DDX54: variants seen among roughly 807,000 people sequenced by gnomAD.
DDX54 encodes the protein ATP-dependent RNA helicase DDX54.
In DDX54, 67 loss-of-function variants were observed where a neutral mutation model predicts 105.5. The observed-to-expected ratio is 0.64, with a 90% CI of 0.52 to 0.78. The LOEUF is 0.78. DDX54 is among the 30% of genes least tolerant of loss of function. The pLI is 0.00. For synonymous variants in DDX54, 514 were observed against 509.9 expected (o/e 1.01, Z -0.11); for missense variants, 1,206 against 1,230.5 (o/e 0.98, Z 0.30).
intron 1 of DDX54, among the ~76,000 whole-genome samples, chr12:113,182,644 A>G (rs1198059624): frequency 6.7e-6 from 1 of 148,320 alleles, no homozygotes; most frequent in Admixed American, 6.8e-5. Flanking sequence ...TGCAGCCTCC[A>G]CCTCCTGGGT....
At chr12:113,176,812 G>C (rs1236928387) in intron 7 of DDX54, 28 bp downstream of exon 7, 7 of 1,611,674 alleles carry the variant, frequency 4.3e-6, no homozygotes, top group South Asian at 1.1e-5. Flanking sequence ...TCAGACACAA[G>C]TGCTCAGGGC....
intron 1 of DDX54, among the ~76,000 whole-genome samples, chr12:113,184,496 T>A (rs1165683892): frequency 1.3e-5 from 2 of 152,222 alleles, no homozygotes; most frequent in African/African-American, 4.8e-5. Flanking sequence ...ATAAGGCTCG[T>A]ACAGCTCTTA....
chr12:113,182,259 T>C (rs1952476509), intron 1 of DDX54, among the ~76,000 whole-genome samples: 1 of 152,210 alleles, frequency 6.6e-6, no homozygotes, highest in Non-Finnish European at 1.5e-5. Flanking sequence ...AGAGACTGTG[T>C]TCTTTTCACT....
rs902503309 is a variant in DDX54, at chr12:113,164,282, T to C, written c.1723A>G (p.Ile575Val). 1.5e-5 allele frequency: 24 copies of C among 1,586,592 alleles called. No homozygotes were observed. Among genetic ancestry groups the C allele is most frequent in the Admixed American group, 1.8e-5 (1 of 56,842 alleles). Residue 575 changes from isoleucine (I) to valine (V), a missense_variant, in exon 15 of 20, where the codon ATC becomes GTC. This residue lies in a region of DDX54 where 961 missense variants were observed against 1,019.1 expected (regional missense o/e 0.94). Coordinates refer to ENST00000306014, the MANE Select transcript of DDX54 (RefSeq NM_024072.4). ...CGGCTGGAGGCGTTGATCTCAAAGATAGTCTGTGGAGGGGACACCCAGTCC... is the reference window on the plus strand; with the variant it reads ...CGGCTGGAGGCGTTGATCTCAAAGACAGTCTGTGGAGGGGACACCCAGTCC... ...SIKNYRSRAT[I>V]FEINASSRDL...
chr12:113,171,553 G>A (rs911719187), intron 11 of DDX54, among the ~76,000 whole-genome samples: 1 of 148,894 alleles, frequency 6.7e-6, no homozygotes, highest in Non-Finnish European at 1.5e-5. Flanking sequence ...GCAGTGAGCC[G>A]AGATCACACC....
At chr12:113,181,705 C>T (rs1210303681) in intron 1 of DDX54, among the ~76,000 whole-genome samples, 1 of 152,020 alleles carries the variant, frequency 6.6e-6, no homozygotes, top group Non-Finnish European at 1.5e-5. Context: ...CCCCATCAGC[C>T]GCCAACCAAT....
chr12:113,176,768 C>T (rs1219114174), intron 7 of DDX54, 72 bp downstream of exon 7: 2 of 1,534,482 alleles, frequency 1.3e-6, no homozygotes, highest in African/African-American at 2.7e-5. Flanking sequence ...CAGAGCCTTC[C>T]TCTGGTTGAC....
chr12:113,175,089 G>T lies in DDX54; in HGVS notation c.821C>A (p.Thr274Lys). The T allele has an allele frequency of 1.2e-6, 2 of 1,613,876 alleles. No homozygotes were observed. The highest frequency in any genetic ancestry group is 1.7e-6 in the Non-Finnish European group (2 of 1,179,996). Residue 274 changes from threonine to lysine, a missense_variant, in exon 8 of 20, where the codon ACG becomes AAG. Thr to Lys is a moderately conservative substitution (Grantham distance 78). Coordinates refer to ENST00000306014, the MANE Select transcript of DDX54 (RefSeq NM_024072.4). ...GGGCAGCGTGGCGGAGAACAGCACC[G>T]TCTGGTGGCCCCCGGGGAGGCGGGC... ...IIARLPGGHQ[T>K]VLFSATLPKL... is the part of the protein sequence containing the mutation.
intron 12 of DDX54, among the ~76,000 whole-genome samples, chr12:113,168,583 T>C (rs1203709641): frequency 6.6e-6 from 1 of 152,214 alleles, no homozygotes; most frequent in African/African-American, 2.4e-5. Context: ...ATGGAGGCCA[T>C]GGTGATTGCT....
At chr12:113,162,303 C>T (rs1804330671) in intron 17 of DDX54, among the ~76,000 whole-genome samples, 1 of 152,196 alleles carries the variant, frequency 6.6e-6, no homozygotes, top group Non-Finnish European at 1.5e-5. Flanking sequence ...CCCTACCCAG[C>T]TGTGACCCTG....
chr12:113,178,892 C>T (rs369237040), intron 5 of DDX54, 85 bp downstream of exon 5: 8 of 1,529,240 alleles, frequency 5.2e-6, no homozygotes, highest in African/African-American at 4.1e-5. Flanking sequence ...TAATAAGCAA[C>T]ACAGCTTAAA....
intron 12 of DDX54, 151 bp from the exon 13 acceptor site, chr12:113,166,183 G>T: frequency 1.3e-6 from 1 of 792,290 alleles, no homozygotes; most frequent in South Asian, 1.9e-5. Context: ...ACTCAGGGAG[G>T]AGCTAGAGAG....
chr12:113,175,193 G>T, intron 7 of DDX54, 36 bp from the exon 8 acceptor site: 1 of 1,559,216 alleles, frequency 6.4e-7, no homozygotes. Flanking sequence ...GTCAGAGGGG[G>T]CCTTCACTCC....
intron 2 of DDX54, 82 bp downstream of exon 2, chr12:113,180,847 G>C: frequency 6.3e-7 from 1 of 1,592,986 alleles, no homozygotes; most frequent in Non-Finnish European, 8.5e-7. Flanking sequence ...GGCCCAGAGT[G>C]GACATCAGTG....
intron 18 of DDX54, 113 bp downstream of exon 18, chr12:113,161,780 G>GGCC: frequency 2.4e-5 from 6 of 254,866 alleles, no homozygotes; most frequent in South Asian, 3.5e-5. Context: ...AAGCCGCTCA[G>GGCC]CCCCGCCCCC....
intron 2 of DDX54, 34 bp downstream of exon 2, chr12:113,180,895 T>A (rs1395783638): frequency 1.2e-6 from 2 of 1,611,734 alleles, no homozygotes; most frequent in African/African-American, 2.7e-5. Flanking sequence ...CAGCTGCCAC[T>A]CCCGCAGAGT....
Position 113,158,763 on chromosome 12 carries a change from G to T in DDX54, c.*114C>A. ...CTCCTTTTCACAGATGATGGCTCCT[G>T]CAGGGAGTGCCCCCAGTGCCCAGCA... is the stretch of plus-strand genomic sequence containing the variant. On this transcript the variant is annotated 3_prime_UTR_variant, in exon 20 of 20. Transcript: ENST00000306014. This position sits in a 1 kb window ranked among gnomAD's most constrained non-coding sequence, Gnocchi z 4.9. 3 of 1,185,264 alleles carry T rather than the reference G, an allele frequency of 2.5e-6. No individual in the cohort carries two copies. The highest frequency in any genetic ancestry group is 2.3e-6 in the Non-Finnish European group (2 of 857,694). The allele number at this position is 1,185,264 out of a possible 1,614,324, so 73.4% of individuals were successfully genotyped here.
At chr12:113,168,094 C>T (rs1952297103) in intron 12 of DDX54, 3 of 380,308 alleles carry the variant, frequency 7.9e-6, no homozygotes, top group South Asian at 1.9e-5. Flanking sequence ...CCCCCCACCC[C>T]GGCCAGGCCC....
rs886943440 is a variant in DDX54 at position 113,161,948 on chromosome 12, T to G, written c.2245A>C (p.Lys749Gln). 33 of 1,613,090 alleles carry G rather than the reference T, an allele frequency of 2.0e-5. No individual in the cohort carries two copies. Among genetic ancestry groups the G allele is most frequent in the Non-Finnish European group, 2.8e-5 (33 of 1,179,864 alleles). ...CGGCCGCTCTCTGTCTTAATCTTCT[T>G]CTTGTCTTCCTGTCCTGACTGTCCC... ...FVGQSGQEDK[K>Q]KIKTESGRYI... The change falls in exon 18 of 20, where the codon AAG becomes CAG. Residue 749 changes from lysine to glutamine, a missense_variant. Physicochemically the swap from Lys to Gln is moderately conservative, Grantham distance 53. Coordinates refer to ENST00000306014, the MANE Select transcript of DDX54 (RefSeq NM_024072.4).
Sources: gnomAD v4.1 joint callset for allele counts (sites outside exome capture counted in the v4.1 genomes callset) on GRCh38, gnomAD v4.1.1 for gene constraint, gnomAD v4.1.1 regional missense constraint, Gnocchi (gnomAD v3.1) non-coding constraint, MANE v1.5 for transcripts, NCBI Gene and HGNC (gene_info 2026-07-23, HGNC 2026-07-21) for gene names.